ASCC3: variants seen among roughly 807,000 people sequenced by gnomAD.
ASCC3 encodes the protein activating signal cointegrator 1 complex subunit 3.
Under a neutral mutation model 256.3 loss-of-function variants are expected in ASCC3, and 158 were observed. The observed-to-expected ratio is 0.62, with a 90% confidence interval of 0.54 to 0.70. ASCC3 has a LOEUF of 0.70. Among genes scored for constraint, ASCC3 ranks in the 30% least tolerant of loss-of-function variants. ASCC3 has a pLI of 0.00. For missense variants in ASCC3, 2,259 were observed against 2,626.0 expected (o/e 0.86, Z 3.05); for synonymous variants, 948 against 883.4 (o/e 1.07, Z -1.30).
At chr6:100,620,254 CAGA>C (rs965370417) in intron 30 of ASCC3, among the ~76,000 whole-genome samples, 1 of 152,102 alleles carries the variant, frequency 6.6e-6, no homozygotes, top group African/African-American at 2.4e-5. Flanking sequence ...AGGTTAGTGG[CAGA>C]AGTAGCAAAA....
intron 30 of ASCC3, among the ~76,000 whole-genome samples, chr6:100,621,627 T>C (rs1773957204): frequency 1.3e-5 from 2 of 152,164 alleles, no homozygotes; most frequent in Admixed American, 1.3e-4. Flanking sequence ...GTAACACTTT[T>C]ACACTGTTGG....
At chr6:100,645,405 G>T (rs1299251945) in intron 22 of ASCC3, among the ~76,000 whole-genome samples, 1 of 151,642 alleles carries the variant, frequency 6.6e-6, no homozygotes, top group Non-Finnish European at 1.5e-5. Context: ...AGGAATTAAA[G>T]GTTTAGACAC....
chr6:100,740,839 G>A (rs907903771), intron 10 of ASCC3, among the ~76,000 whole-genome samples: 1 of 152,158 alleles, frequency 6.6e-6, no homozygotes, highest in African/African-American at 2.4e-5. Flanking sequence ...GATGGATCTT[G>A]GCTCTTTATC....
chr6:100,828,844 C>A lies in ASCC3; in HGVS notation c.801+19304G>T, dbSNP rs967560436. Among the ~76,000 whole-genome samples the A allele has an allele frequency of 3.3e-5, 5 of 152,126 alleles. 1 individual carries two copies. In the East Asian group the frequency reaches 9.7e-4, roughly 30 times the overall value. ...AAGCTTCCACAGTGTGGAAGCGGAC[C>A]CAAGCAGGTTGCCACTGCTAGCTCC... On this transcript the variant is annotated intron_variant, in intron 4 of 41. Coordinates refer to ENST00000369162, the MANE Select transcript of ASCC3 (RefSeq NM_006828.4).
intron 12 of ASCC3, among the ~76,000 whole-genome samples, chr6:100,716,732 A>G (rs987046487): frequency 2.0e-5 from 3 of 151,936 alleles, no homozygotes; most frequent in African/African-American, 4.8e-5. Flanking sequence ...TTTCATGATT[A>G]TGATGGTAAC....
chr6:100,793,988 C>A (rs554137184), intron 8 of ASCC3, among the ~76,000 whole-genome samples: 1 of 152,188 alleles, frequency 6.6e-6, no homozygotes, highest in Admixed American at 6.6e-5. Context: ...AAATTCTTCT[C>A]TCTGCCTCAT....
At chr6:100,733,468 C>T (rs918146288) in intron 10 of ASCC3, among the ~76,000 whole-genome samples, 8 of 152,058 alleles carry the variant, frequency 5.3e-5, no homozygotes, top group Admixed American at 1.3e-4. Context: ...TGGAACCTAC[C>T]CACCAACAAA....
chr6:100,648,427 G>T (rs920007668), intron 20 of ASCC3, among the ~76,000 whole-genome samples: 2 of 152,014 alleles, frequency 1.3e-5, no homozygotes, highest in African/African-American at 4.8e-5. Flanking sequence ...AAACTGAAAA[G>T]ATTTCAAATG....
rs1232772576 is a variant in ASCC3, at chr6:100,778,865, T to C, written c.1396-11520A>G. On this transcript the variant is annotated intron_variant, in intron 8 of 41. Transcript: ENST00000369162. ...TAGATCTCACATATTTGAGAAACGT[T>C]TGGCTATTCAATAAATATGAAATTG... Among the ~76,000 whole-genome samples the C allele has an allele frequency of 5.9e-5, 9 of 152,252 alleles. No individual in the cohort carries two copies. The East Asian group carries it at 1.5e-3, about 26-fold the overall frequency.
At chr6:100,740,768 CTTTAT>C (rs1780398670) in intron 10 of ASCC3, among the ~76,000 whole-genome samples, 1 of 152,098 alleles carries the variant, frequency 6.6e-6, no homozygotes, top group Admixed American at 6.5e-5. Flanking sequence ...TGCTCCACTC[CTTTAT>C]TTTGAGTTTA....
chr6:100,668,263 A>G (rs1050983955), intron 14 of ASCC3, among the ~76,000 whole-genome samples: 1 of 152,016 alleles, frequency 6.6e-6, no homozygotes, highest in African/African-American at 2.4e-5. Context: ...ACCCAATATC[A>G]GCAAAACGAA....
chr6:100,732,684 A>AGAAGTG (rs386408065), intron 10 of ASCC3, among the ~76,000 whole-genome samples: 2 of 151,810 alleles, frequency 1.3e-5, no homozygotes, highest in African/African-American at 4.8e-5. Context: ...AAAGATAACT[A>AGAAGTG]GAAGTTATAC....
At chr6:100,633,376 A>G (rs542092126) in intron 25 of ASCC3, among the ~76,000 whole-genome samples, 2 of 152,222 alleles carry the variant, frequency 1.3e-5, no homozygotes, top group African/African-American at 4.8e-5. Flanking sequence ...CCCTTACATT[A>G]CTTAGTAATG....
At chr6:100,557,672 G>C (rs1003217607) in intron 36 of ASCC3, among the ~76,000 whole-genome samples, 4 of 112,174 alleles carry the variant, frequency 3.6e-5, no homozygotes, top group Non-Finnish European at 4.9e-5. Flanking sequence ...TATAAAATGT[G>C]CCCCTTCATA....
chr6:100,593,921 T>C (rs2114780104), intron 34 of ASCC3, among the ~76,000 whole-genome samples: 1 of 152,254 alleles, frequency 6.6e-6, no homozygotes, highest in East Asian at 1.9e-4. Context: ...TTATATTCAT[T>C]TGCACAAGTT....
Position 100,647,155 on chromosome 6 carries a change from TTC to T in ASCC3, c.3478+69_3478+70del, listed in dbSNP as rs1266624416. On this transcript the variant is annotated intron_variant, in intron 21 of 41. Coordinates refer to ENST00000369162, the MANE Select transcript of ASCC3 (RefSeq NM_006828.4). ...GATTAATGTGGAAATTCACAATACC[TTC>T]TTTTACACCCAGCAACATATTTTAT... 1.8e-5 allele frequency: 24 copies of T among 1,336,344 alleles called. No individual in the cohort carries two copies. In the Admixed American group the frequency reaches 3.1e-4, roughly 17 times the overall value. 82.8% of individuals were successfully genotyped at this position (1,336,344 alleles called of 1,614,324 possible). A position where few individuals can be genotyped will look rare whatever the true frequency, so the allele number is the denominator to read the frequency against.
intron 33 of ASCC3, among the ~76,000 whole-genome samples, chr6:100,603,279 G>GA (rs1229552608): frequency 6.6e-6 from 1 of 151,926 alleles, no homozygotes; most frequent in Non-Finnish European, 1.5e-5. Context: ...AGTATACACA[G>GA]AAAAAATTAC....
At chr6:100,671,932 G>A (rs1272718647) in intron 14 of ASCC3, among the ~76,000 whole-genome samples, 1 of 151,932 alleles carries the variant, frequency 6.6e-6, no homozygotes, top group East Asian at 1.9e-4. Context: ...CCACATAGTT[G>A]CCATCTGCCA....
intron 4 of ASCC3, among the ~76,000 whole-genome samples, chr6:100,847,583 T>A (rs1045399775): frequency 9.2e-5 from 14 of 152,144 alleles, no homozygotes; most frequent in African/African-American, 3.1e-4. Flanking sequence ...ACGACAAAAA[T>A]AATCACAGCT....
Sources: gnomAD v4.1 joint callset for allele counts (sites outside exome capture counted in the v4.1 genomes callset) on GRCh38, gnomAD v4.1.1 for gene constraint, MANE v1.5 for transcripts, NCBI Gene and HGNC (gene_info 2026-07-23, HGNC 2026-07-21) for gene names.